The following PAH variants were observed in gnomAD, a reference collection of about 807,000 sequenced individuals.
PAH encodes the protein phenylalanine-4-hydroxylase.
PAH carries 64 observed loss-of-function variants against 62.0 expected under a neutral mutation model. The observed-to-expected ratio is 1.03, with a 90% CI of 0.84 to 1.27. PAH has a LOEUF of 1.27. Among genes scored for constraint, PAH ranks in the 50% most tolerant of loss-of-function variants. The probability of loss-of-function intolerance (pLI) is 0.00; values close to 1 mark genes in which losing one functional copy is unlikely to be tolerated. For missense variants in PAH, 579 were observed against 542.8 expected (o/e 1.07, Z -0.66); for synonymous variants, 195 against 196.2 (o/e 0.99, Z 0.05).
intron 3 of PAH, among the ~76,000 whole-genome samples, chr12:102,890,278 A>C (rs558601332): frequency 2.6e-5 from 4 of 152,322 alleles, no homozygotes; most frequent in African/African-American, 9.6e-5. Flanking sequence ...GCCCCACAAT[A>C]AAAAGGGCAT....
At chr12:102,915,678 G>C (rs1328508164) in intron 1 of PAH, among the ~76,000 whole-genome samples, 2 of 152,094 alleles carry the variant, frequency 1.3e-5, no homozygotes. Context: ...CAAAATTACA[G>C]GTGATTCCTT....
At chr12:102,859,775 C>A (rs1380312545) in intron 5 of PAH, among the ~76,000 whole-genome samples, 1 of 152,182 alleles carries the variant, frequency 6.6e-6, no homozygotes, top group Non-Finnish European at 1.5e-5. Flanking sequence ...ATTCAACAGC[C>A]TTTCATGCTA....
intron 2 of PAH, among the ~76,000 whole-genome samples, chr12:102,899,887 A>AAAG (rs1877678363): frequency 1.4e-5 from 2 of 140,544 alleles, no homozygotes; most frequent in African/African-American, 2.7e-5. Context: ...AAAAAAAAAA[A>AAAG]GTGAGTAACA....
chr12:102,873,586 A>G (rs544977014), intron 4 of PAH, among the ~76,000 whole-genome samples: 2 of 152,168 alleles, frequency 1.3e-5, no homozygotes, highest in Non-Finnish European at 2.9e-5. Context: ...GTCCTCCCTA[A>G]CCATTCCAGT....
At chr12:102,890,753 C>A (rs1312963972) in intron 3 of PAH, among the ~76,000 whole-genome samples, 1 of 152,154 alleles carries the variant, frequency 6.6e-6, no homozygotes, top group Non-Finnish European at 1.5e-5. Flanking sequence ...CTCCAATAAA[C>A]CCAACTTTTA....
At chr12:102,935,847 G>A (rs1025730433) in intron 1 of PAH, among the ~76,000 whole-genome samples, 15 of 151,228 alleles carry the variant, frequency 9.9e-5, no homozygotes, top group African/African-American at 3.4e-4. Flanking sequence ...CCAACTTTTT[G>A]TTATGTTGAT....
chr12:102,889,484 G>GA (rs1382615681), intron 3 of PAH, among the ~76,000 whole-genome samples: 1 of 151,760 alleles, frequency 6.6e-6, no homozygotes, highest in Non-Finnish European at 1.5e-5. Context: ...TAGATAGGTA[G>GA]ATAGATGATA....
In PAH at chr12:102,886,300, A is replaced by G. The variant is rs1877041895; in HGVS notation, c.352+8435T>C. ...CAGATGAATAAAAGGGATCTCACAC[A>G]TGAAGTAAAGAGTGAAACTGTGCTT... On this transcript the variant is annotated intron_variant, in intron 3 of 12. Transcript: ENST00000553106. 3 of 152,198 alleles carry G rather than the reference A, an allele frequency of 2.0e-5. No individual in the cohort carries two copies. The South Asian group carries it at 6.2e-4, about 32-fold the overall frequency. The allele number at this position is 152,198 out of a possible 1,614,324, so 9.4% of individuals were successfully genotyped here. A position where few individuals can be genotyped will look rare whatever the true frequency, so the allele number is the denominator to read the frequency against.
chr12:102,853,274 C>T (rs1875261242), intron 6 of PAH: 3 of 361,206 alleles, frequency 8.3e-6, no homozygotes, highest in Non-Finnish European at 1.6e-5. Flanking sequence ...ATAAATTTAG[C>T]TTTCATTACC....
At chr12:102,911,382 T>G (rs1269784364) in intron 2 of PAH, among the ~76,000 whole-genome samples, 1 of 152,202 alleles carries the variant, frequency 6.6e-6, no homozygotes, top group African/African-American at 2.4e-5. Flanking sequence ...CAGTACTGAA[T>G]AGCAGTTAAG....
chr12:102,911,385 C>T (rs570711252), intron 2 of PAH, among the ~76,000 whole-genome samples: 103 of 152,256 alleles, frequency 6.8e-4, no homozygotes, highest in Non-Finnish European at 1.3e-3. Flanking sequence ...TACTGAATAG[C>T]AGTTAAGAGT....
chr12:102,927,883 G>C (rs1353221858), intron 1 of PAH, among the ~76,000 whole-genome samples: 2 of 152,122 alleles, frequency 1.3e-5, no homozygotes, highest in Non-Finnish European at 2.9e-5. Context: ...GTGATATTTT[G>C]TTTGTCACAT....
At chr12:102,889,534 GGATAGATAGATA>G (rs201300617) in intron 3 of PAH, among the ~76,000 whole-genome samples, 14,912 of 150,506 alleles carry the variant, frequency 0.099, 947 homozygotes, top group Non-Finnish European at 0.14. Context: ...ATAGATAGAC[GGATAGATAGATA>G]GACAGATAGA....
chr12:102,921,590 T>C (rs1359422538), upstream of PAH, among the ~76,000 whole-genome samples: 1 of 152,198 alleles, frequency 6.6e-6, no homozygotes, highest in Non-Finnish European at 1.5e-5. Context: ...GTTTAAGAAG[T>C]CCTTCCCCAT....
intron 4 of PAH, among the ~76,000 whole-genome samples, chr12:102,874,170 T>C (rs1194004485): frequency 1.3e-5 from 2 of 152,134 alleles, no homozygotes; most frequent in South Asian, 2.1e-4. Flanking sequence ...CTTAGATGAA[T>C]AGAGGTTTCC....
chr12:102,880,474 C>G (rs368703832), intron 3 of PAH, among the ~76,000 whole-genome samples: 6 of 152,294 alleles, frequency 3.9e-5, no homozygotes, highest in African/African-American at 1.4e-4. Flanking sequence ...ATAATCTCAT[C>G]CCCACACTGC....
At chr12:102,899,292 G>A (rs1322505004) in intron 2 of PAH, among the ~76,000 whole-genome samples, 2 of 152,030 alleles carry the variant, frequency 1.3e-5, no homozygotes, top group Non-Finnish European at 2.9e-5. Context: ...TGGAAGGGAG[G>A]GGAGCAAAGA....
chr12:102,932,696 G>A (rs1408564435), intron 1 of PAH, among the ~76,000 whole-genome samples: 1 of 152,200 alleles, frequency 6.6e-6, no homozygotes, highest in African/African-American at 2.4e-5. Flanking sequence ...CACAGTGAGT[G>A]CTGAGTTCAT....
chr12:102,912,199 C>T (rs1239887089), intron 2 of PAH, among the ~76,000 whole-genome samples: 2 of 152,062 alleles, frequency 1.3e-5, no homozygotes, highest in South Asian at 2.1e-4. Flanking sequence ...AAATAATATG[C>T]CCGAATTTCC....
Sources: allele counts gnomAD v4.1 joint callset (sites outside exome capture counted in the v4.1 genomes callset), GRCh38; gene constraint gnomAD v4.1.1; transcripts MANE v1.5; gene names NCBI Gene and HGNC (gene_info 2026-07-23, HGNC 2026-07-21).